ADAMTSL1: variants seen among roughly 807,000 people sequenced by gnomAD.
ADAMTSL1 encodes ADAMTS like 1, also known as ADAMTS-like protein 1.
In ADAMTSL1, 126 loss-of-function variants were observed where a neutral mutation model predicts 201.8. The ratio of observed to expected loss-of-function variants is 0.62; its 90% CI spans 0.54 to 0.72. The LOEUF is 0.72. ADAMTSL1 is among the 30% of genes least tolerant of loss of function. The probability of loss-of-function intolerance (pLI) is 0.00; values close to 1 mark genes in which losing one functional copy is unlikely to be tolerated. For missense variants in ADAMTSL1, 2,679 were observed against 2,277.8 expected (o/e 1.18, Z -3.59); for synonymous variants, 1,121 against 903.4 (o/e 1.24, Z -4.32).
chr9:18,377,757 A>G (rs1837366248), intron 2 of ADAMTSL1, among the ~76,000 whole-genome samples: 2 of 152,194 alleles, frequency 1.3e-5, no homozygotes, highest in South Asian at 4.1e-4. Context: ...TAGTAGAGAC[A>G]GGATTTCACC....
intron 7 of ADAMTSL1, among the ~76,000 whole-genome samples, chr9:18,647,248 T>G (rs1394591487): frequency 6.6e-6 from 1 of 152,200 alleles, no homozygotes; most frequent in African/African-American, 2.4e-5. Context: ...CTTTATCATT[T>G]TTTATTGCAT....
At chr9:18,848,247 G>A (rs73423120) in intron 23 of ADAMTSL1, among the ~76,000 whole-genome samples, 5,420 of 152,190 alleles carry the variant, frequency 0.036, 309 homozygotes, top group African/African-American at 0.12. Flanking sequence ...CAATTAATTC[G>A]AGATCTCAGG....
chr9:17,953,506 C>G (rs1310322638), intron 1 of ADAMTSL1, among the ~76,000 whole-genome samples: 1 of 152,186 alleles, frequency 6.6e-6, no homozygotes, highest in African/African-American at 2.4e-5. Flanking sequence ...CAAAGACTTA[C>G]ACATGAGGAT....
At chr9:18,755,813 G>A (rs1819715645) in intron 16 of ADAMTSL1, among the ~76,000 whole-genome samples, 1 of 151,892 alleles carries the variant, frequency 6.6e-6, no homozygotes, top group African/African-American at 2.4e-5. Context: ...TCAGGTTTAA[G>A]TTCATTCTTC....
At chr9:18,416,263 G>T (rs1722935375) in intron 2 of ADAMTSL1, among the ~76,000 whole-genome samples, 2 of 151,968 alleles carry the variant, frequency 1.3e-5, no homozygotes, top group Admixed American at 6.6e-5. Context: ...GAGCTATTGT[G>T]ATATCACTTG....
At chr9:17,984,108 T>C (rs189798130) in intron 1 of ADAMTSL1, among the ~76,000 whole-genome samples, 2 of 152,276 alleles carry the variant, frequency 1.3e-5, no homozygotes, top group African/African-American at 4.8e-5. Flanking sequence ...GTGTGTGTGT[T>C]TAAGGCCCAT....
At chr9:18,069,205 TA>T (rs1822843128) in intron 1 of ADAMTSL1, among the ~76,000 whole-genome samples, 2 of 152,212 alleles carry the variant, frequency 1.3e-5, no homozygotes, top group African/African-American at 4.8e-5. Context: ...AGACTTAGTA[TA>T]AAAAAGAATA....
chr9:18,594,851 G>C (rs1228974840), intron 4 of ADAMTSL1, among the ~76,000 whole-genome samples: 1 of 152,050 alleles, frequency 6.6e-6, no homozygotes, highest in African/African-American at 2.4e-5. Flanking sequence ...TTTCCTGAAT[G>C]TTCTTGGTGC....
chr9:18,305,797 G>T (rs73428965), intron 2 of ADAMTSL1, among the ~76,000 whole-genome samples: 10,711 of 152,238 alleles, frequency 0.07, 1,220 homozygotes, highest in African/African-American at 0.24. Flanking sequence ...AGACTTGAAC[G>T]TTCCTGCCTG....
At chr9:18,880,529 G>C (rs1320230896) in intron 23 of ADAMTSL1, among the ~76,000 whole-genome samples, 1 of 152,174 alleles carries the variant, frequency 6.6e-6, no homozygotes, top group African/African-American at 2.4e-5. Context: ...GTAATATTTT[G>C]AAAGAAGGCT....
chr9:18,051,812 C>T (rs555393125), intron 1 of ADAMTSL1, among the ~76,000 whole-genome samples: 3 of 152,188 alleles, frequency 2.0e-5, no homozygotes, highest in South Asian at 4.2e-4. Flanking sequence ...TTTGTGATAC[C>T]TTGTCTGCTT....
At chr9:18,081,751 G>T (rs1587002478) in intron 1 of ADAMTSL1, among the ~76,000 whole-genome samples, 1 of 152,058 alleles carries the variant, frequency 6.6e-6, no homozygotes, top group Non-Finnish European at 1.5e-5. Context: ...TTTATATTTT[G>T]ATTATTATTA....
rs180981384 is a variant in ADAMTSL1, at chr9:18,775,855, T to C, written c.2510T>C (p.Phe837Ser). 4 of 1,604,416 alleles carry C rather than the reference T, an allele frequency of 2.5e-6. No homozygotes were observed. In the Admixed American group the frequency reaches 6.8e-5, roughly 27 times the overall value. Residue 837 changes from phenylalanine to serine, a missense_variant, in exon 18 of 29, where the codon TTC becomes TCC. Coordinates refer to ENST00000380548, the MANE Select transcript of ADAMTSL1 (RefSeq NM_001040272.6). ...VNSTLCPPLP[F>S]SSSIRPCMLA... ...TCCACCCTGTGCCCGCCCCTGCCTTTCTCTTCCTCCATCAGGCCCTGTATG... is the reference window on the plus strand; with the variant it reads ...TCCACCCTGTGCCCGCCCCTGCCTTCCTCTTCCTCCATCAGGCCCTGTATG...
chr9:18,826,409 A>G lies in ADAMTSL1; in HGVS notation c.4060A>G (p.Arg1354Gly), dbSNP rs1028876831. 6.2e-7 allele frequency: 1 copy of G among 1,613,828 alleles called. No homozygotes were observed. Among genetic ancestry groups the G allele is most frequent in the Non-Finnish European group, 8.5e-7 (1 of 1,179,846 alleles). Residue 1354 changes from arginine to glycine, a missense_variant, in exon 22 of 29, where the codon AGG becomes GGG. Transcript: ENST00000380548. The stretch of plus-strand genomic sequence containing the variant: ...CTCGGATCAGGGCCTGTACTCCTGC[A>G]GGGCGGCCAATCTTCATGGAGAGCT... ...SSSDQGLYSC[R>G]AANLHGELTE... is the part of the protein sequence containing the mutation.
chr9:18,843,407 G>C (rs1456772156), intron 23 of ADAMTSL1, among the ~76,000 whole-genome samples: 2 of 150,988 alleles, frequency 1.3e-5, no homozygotes, highest in Admixed American at 6.6e-5. Context: ...GAGATCCGCT[G>C]TTAGTCTGAT....
chr9:18,643,672 C>A (rs1009023260), intron 7 of ADAMTSL1, among the ~76,000 whole-genome samples: 2 of 151,926 alleles, frequency 1.3e-5, no homozygotes, highest in African/African-American at 2.4e-5. Flanking sequence ...GCAACTTTGT[C>A]AGAAAATCAA....
At chr9:18,064,648 C>T (rs997870096) in intron 1 of ADAMTSL1, among the ~76,000 whole-genome samples, 5 of 151,504 alleles carry the variant, frequency 3.3e-5, no homozygotes, top group East Asian at 3.9e-4. Context: ...AAGAGGTAGA[C>T]GAGTTGATGA....
chr9:18,218,810 C>T (rs1444829459), intron 2 of ADAMTSL1, among the ~76,000 whole-genome samples: 1 of 151,722 alleles, frequency 6.6e-6, no homozygotes, highest in Non-Finnish European at 1.5e-5. Context: ...GCTTTTAATT[C>T]TTGTGTAAAA....
chr9:18,566,188 G>A (rs1821880003), intron 3 of ADAMTSL1, among the ~76,000 whole-genome samples: 1 of 152,106 alleles, frequency 6.6e-6, no homozygotes, highest in Non-Finnish European at 1.5e-5. Flanking sequence ...CCATCAATTA[G>A]AAAACTAAGA....
Sources: gnomAD v4.1 joint callset for allele counts (sites outside exome capture counted in the v4.1 genomes callset) on GRCh38, gnomAD v4.1.1 for gene constraint, MANE v1.5 for transcripts, NCBI Gene and HGNC (gene_info 2026-07-23, HGNC 2026-07-21) for gene names.